The following CLMN variants were observed in gnomAD, a reference collection of about 807,000 sequenced individuals.
CLMN encodes the protein calmin.
Under a neutral mutation model 92.7 loss-of-function variants are expected in CLMN, and 57 were observed. The observed-to-expected ratio is 0.61, with a 90% confidence interval of 0.50 to 0.77. The LOEUF is 0.77. Ranked by LOEUF, CLMN falls within the 30% of genes least tolerant of loss-of-function variation. CLMN has a pLI of 0.00. For synonymous variants in CLMN, 466 were observed against 470.6 expected (o/e 0.99, Z 0.13); for missense variants, 1,158 against 1,237.5 (o/e 0.94, Z 0.96).
At chr14:95,215,788 T>C in intron 4 of CLMN, 55 bp from the exon 5 acceptor site, 2 of 1,298,160 alleles carry the variant, frequency 1.5e-6, no homozygotes, top group Admixed American at 1.7e-5. Context: ...GGATAACATA[T>C]GTTATTTTCT....
intron 8 of CLMN, among the ~76,000 whole-genome samples, chr14:95,205,375 C>T (rs1181287319): frequency 6.6e-6 from 1 of 152,056 alleles, no homozygotes; most frequent in African/African-American, 2.4e-5. Context: ...CCATATAGGA[C>T]CCGGAGTTAG....
intron 1 of CLMN, among the ~76,000 whole-genome samples, chr14:95,250,796 GGC>G (rs558810796): frequency 2.0e-5 from 3 of 152,292 alleles, no homozygotes; most frequent in Admixed American, 6.5e-5. Context: ...AGGGGACTAA[GGC>G]ATAAACAAGG....
intron 1 of CLMN, among the ~76,000 whole-genome samples, chr14:95,309,647 C>T (rs1306306182): frequency 1.3e-5 from 2 of 152,230 alleles, no homozygotes; most frequent in African/African-American, 4.8e-5. Context: ...TCCCCGAGTT[C>T]TCCAGCCAGG....
intron 1 of CLMN, among the ~76,000 whole-genome samples, chr14:95,275,303 C>A (rs1899882759): frequency 6.6e-6 from 1 of 152,130 alleles, no homozygotes; most frequent in Non-Finnish European, 1.5e-5. Context: ...GTCACAAAGA[C>A]CCCACTGATA....
intron 9 of CLMN, among the ~76,000 whole-genome samples, chr14:95,201,233 C>T (rs1336804260): frequency 6.6e-6 from 1 of 150,634 alleles, no homozygotes; most frequent in African/African-American, 2.4e-5. Context: ...GGTTCATGTG[C>T]AAGTTTGTTA....
chr14:95,220,900 G>A (rs754339201), intron 4 of CLMN, among the ~76,000 whole-genome samples: 8 of 152,222 alleles, frequency 5.3e-5, no homozygotes, highest in African/African-American at 1.2e-4. Flanking sequence ...GGGGCTCTGC[G>A]GTAGTCCTGG....
At chr14:95,302,165 T>C (rs750891251) in intron 1 of CLMN, among the ~76,000 whole-genome samples, 1 of 152,156 alleles carries the variant, frequency 6.6e-6, no homozygotes, top group Non-Finnish European at 1.5e-5. Flanking sequence ...TGGGGCATGG[T>C]GGTGTGCACC....
At position 95,291,277 on chromosome 14, in the gene CLMN, C is replaced by T. The variant is rs529967565; in HGVS notation, c.82+28434G>A. On this transcript the variant is annotated intron_variant, in intron 1 of 12. Coordinates refer to ENST00000298912, the MANE Select transcript of CLMN (RefSeq NM_024734.4). ...CATCCAGGAAACCACCTGTTGCAGG[C>T]GCCTGTGAAATGGGAGCCAGGCAGC... 1.1e-3 allele frequency among the ~76,000 whole-genome samples: 175 copies of T among 152,310 alleles called. 1 individual carries two copies. The South Asian group carries it at 0.012, about 10-fold the overall frequency.
intron 1 of CLMN, among the ~76,000 whole-genome samples, chr14:95,268,792 CTCTTTTT>C (rs1214818948): frequency 3.1e-3 from 326 of 103,650 alleles, no homozygotes; most frequent in African/African-American, 0.012. Context: ...CTCTCTCTCT[CTCTTTTT>C]TTTTTTTTTT....
intron 1 of CLMN, among the ~76,000 whole-genome samples, chr14:95,248,353 T>C (rs762855945): frequency 1.3e-5 from 2 of 152,164 alleles, no homozygotes; most frequent in African/African-American, 4.8e-5. Context: ...AACAGCAACA[T>C]AGAGACCTTG....
chr14:95,215,018 T>C (rs1282191808), intron 5 of CLMN, among the ~76,000 whole-genome samples: 1 of 152,186 alleles, frequency 6.6e-6, no homozygotes, highest in Admixed American at 6.5e-5. Context: ...GATGGGTTGA[T>C]GGGTGCGGCA....
intron 10 of CLMN, among the ~76,000 whole-genome samples, chr14:95,195,019 T>C (rs1896664220): frequency 6.6e-6 from 1 of 152,150 alleles, no homozygotes; most frequent in African/African-American, 2.4e-5. Context: ...AATGTACAAG[T>C]GGGAATGCTT....
intron 1 of CLMN, among the ~76,000 whole-genome samples, chr14:95,230,371 A>C (rs1354216507): frequency 1.3e-5 from 2 of 152,238 alleles, no homozygotes; most frequent in Non-Finnish European, 2.9e-5. Context: ...ACATGGAACA[A>C]AATGTTCTCT....
chr14:95,291,278 G>C (rs1033687429), intron 1 of CLMN, among the ~76,000 whole-genome samples: 2 of 152,188 alleles, frequency 1.3e-5, no homozygotes, highest in African/African-American at 4.8e-5. Flanking sequence ...TGTTGCAGGC[G>C]CCTGTGAAAT....
At chr14:95,275,087 A>G (rs1339954391) in intron 1 of CLMN, among the ~76,000 whole-genome samples, 1 of 152,092 alleles carries the variant, frequency 6.6e-6, no homozygotes, top group African/African-American at 2.4e-5. Flanking sequence ...CAAGAAAGGC[A>G]TCTCACAGAT....
intron 1 of CLMN, among the ~76,000 whole-genome samples, chr14:95,289,155 G>A (rs192157834): frequency 6.6e-6 from 1 of 152,148 alleles, no homozygotes; most frequent in Non-Finnish European, 1.5e-5. Flanking sequence ...CTAAGGTTAG[G>A]GCACTCTGTA....
intron 3 of CLMN, among the ~76,000 whole-genome samples, chr14:95,223,028 C>T (rs779030632): frequency 2.0e-5 from 3 of 152,250 alleles, no homozygotes; most frequent in Non-Finnish European, 4.4e-5. Context: ...CAGGCTTTCT[C>T]AATCTTGACA....
intron 9 of CLMN, among the ~76,000 whole-genome samples, chr14:95,198,573 C>T (rs1595556694): frequency 6.6e-6 from 1 of 152,016 alleles, no homozygotes; most frequent in East Asian, 1.9e-4. Flanking sequence ...GCAGGTGAGG[C>T]AGCGGACCGG....
At chr14:95,247,743 A>G (rs1280673666) in intron 1 of CLMN, among the ~76,000 whole-genome samples, 2 of 152,160 alleles carry the variant, frequency 1.3e-5, no homozygotes, top group Non-Finnish European at 2.9e-5. Context: ...ATTCCTTGGA[A>G]ATTCAGAATG....
Sources: allele counts gnomAD v4.1 joint callset (sites outside exome capture counted in the v4.1 genomes callset), GRCh38; gene constraint gnomAD v4.1.1; transcripts MANE v1.5; gene names NCBI Gene and HGNC (gene_info 2026-07-23, HGNC 2026-07-21).